Variants in RANBP2 observed in about 807,000 individuals in gnomAD.
RANBP2 encodes RAN binding protein 2.
RANBP2 carries 57 observed loss-of-function variants against 303.6 expected under a neutral mutation model. That is an observed-to-expected ratio of 0.19 (90% CI 0.15 to 0.23). The LOEUF (loss-of-function observed/expected upper bound fraction) is 0.23. RANBP2 is among the 10% of genes least tolerant of loss of function. RANBP2 has a pLI of 1.00. For synonymous variants in RANBP2, 1,167 were observed against 1,301.5 expected, an observed-to-expected ratio of 0.90 and a Z score of 2.23; for missense variants, 3,138 against 3,780.8, an observed-to-expected ratio of 0.83 and a Z score of 4.46.
chr2:109,590,453 CAG>C, the RANBP2 span, among the ~76,000 whole-genome samples: 1 of 150,906 alleles, frequency 6.6e-6, no homozygotes, highest in Non-Finnish European at 1.5e-5. Flanking sequence ...TCTTTTGAGA[CAG>C]AGTTTTTGCT....
the RANBP2 span, among the ~76,000 whole-genome samples, chr2:108,985,494 A>G: frequency 1.3e-5 from 2 of 152,200 alleles, no homozygotes; most frequent in Admixed American, 6.5e-5. Context: ...TGTTTTCCAT[A>G]GTCCTCTGTT....
chr2:108,772,089 G>A (rs570778538), intron 21 of RANBP2, among the ~76,000 whole-genome samples: 1 of 152,190 alleles, frequency 6.6e-6, no homozygotes, highest in Non-Finnish European at 1.5e-5. Context: ...AATGTGCCAG[G>A]CACGTGTTTT....
the RANBP2 span, among the ~76,000 whole-genome samples, chr2:108,848,666 T>G: frequency 1.3e-5 from 2 of 152,166 alleles, no homozygotes; most frequent in African/African-American, 4.8e-5. Context: ...GTGGAAAAAT[T>G]TGCAACAAAT....
the RANBP2 span, among the ~76,000 whole-genome samples, chr2:109,379,411 C>T: frequency 1.3e-5 from 2 of 152,248 alleles, no homozygotes; most frequent in African/African-American, 2.4e-5. Flanking sequence ...CCCGTGGTCC[C>T]ACTCTCCAGG....
the RANBP2 span, among the ~76,000 whole-genome samples, chr2:109,622,638 T>C: frequency 6.6e-6 from 1 of 152,196 alleles, no homozygotes; most frequent in African/African-American, 2.4e-5. Flanking sequence ...TGTAGTTATA[T>C]TTCTTTGTTT....
the RANBP2 span, among the ~76,000 whole-genome samples, chr2:109,422,597 AC>A: frequency 6.8e-5 from 7 of 103,540 alleles, no homozygotes; most frequent in Non-Finnish European, 2.1e-5. Context: ...CCCCCTTTCC[AC>A]CCCCTGCTGT....
the RANBP2 span, among the ~76,000 whole-genome samples, chr2:109,026,292 C>T: frequency 1.6e-4 from 1 of 6,146 alleles, no homozygotes; most frequent in African/African-American, 2.7e-4. Flanking sequence ...TACCACCATG[C>T]CTAGCTTTTT....
the RANBP2 span, chr2:108,812,455 AAT>A: frequency 6.5e-6 from 1 of 154,014 alleles, no homozygotes. Context: ...ACAAACCATT[AAT>A]ATTTTAGGGA....
the RANBP2 span, among the ~76,000 whole-genome samples, chr2:109,285,890 G>T: frequency 6.6e-6 from 1 of 152,182 alleles, no homozygotes; most frequent in East Asian, 1.9e-4. Context: ...CCCCCAGCGT[G>T]CCTCCTTCTA....
At chr2:109,065,061 G>T in the RANBP2 span, among the ~76,000 whole-genome samples, 1 of 152,164 alleles carries the variant, frequency 6.6e-6, no homozygotes, top group Non-Finnish European at 1.5e-5. Flanking sequence ...TTGAGACTTA[G>T]GTTCAGGAGT....
At chr2:109,569,437 T>TAAA in the RANBP2 span, among the ~76,000 whole-genome samples, 1 of 131,230 alleles carries the variant, frequency 7.6e-6, no homozygotes, top group East Asian at 2.1e-4. Context: ...AAACTCTTGT[T>TAAA]AAAAAAAAAA....
the RANBP2 span, among the ~76,000 whole-genome samples, chr2:109,230,113 C>T: frequency 1.8e-4 from 28 of 152,110 alleles, no homozygotes; most frequent in South Asian, 5.0e-3. Context: ...TGCGAGCCAC[C>T]GCACCTGGCC....
At chr2:109,150,431 CTG>C in the RANBP2 span, among the ~76,000 whole-genome samples, 1 of 152,306 alleles carries the variant, frequency 6.6e-6, no homozygotes, top group African/African-American at 2.4e-5. Context: ...TGGAACTACT[CTG>C]CTCATTATTT....
chr2:109,099,798 T>G, the RANBP2 span, among the ~76,000 whole-genome samples: 1 of 152,192 alleles, frequency 6.6e-6, no homozygotes, highest in South Asian at 2.1e-4. Context: ...ATTTTTGTTT[T>G]TTTAATCATA....
chr2:109,594,658 AAG>A, the RANBP2 span: 1 of 152,258 alleles, frequency 6.6e-6, no homozygotes. Context: ...ATTGCAATGA[AAG>A]AGAGAACCTG....
At chr2:109,097,245 A>G in the RANBP2 span, among the ~76,000 whole-genome samples, 1 of 152,160 alleles carries the variant, frequency 6.6e-6, no homozygotes. Flanking sequence ...TGGAGGTTGC[A>G]GTGAGGTGAG....
intron 1 of RANBP2, among the ~76,000 whole-genome samples, chr2:108,726,501 G>A (rs1694724463): frequency 1.3e-5 from 2 of 150,666 alleles, no homozygotes; most frequent in African/African-American, 4.9e-5. Flanking sequence ...GAGGCTAGAA[G>A]CGGCAGATCA....
the RANBP2 span, chr2:109,432,553 C>T: frequency 6.2e-7 from 1 of 1,613,736 alleles, no homozygotes; most frequent in Non-Finnish European, 8.5e-7. Context: ...GCTGGAGCTG[C>T]ACAAGGGAGA....
At chr2:109,405,559 C>T in the RANBP2 span, among the ~76,000 whole-genome samples, 3 of 152,220 alleles carry the variant, frequency 2.0e-5, no homozygotes, top group Non-Finnish European at 4.4e-5. Context: ...AATCCCTTCC[C>T]ACCTGCCCAT....
Sources: allele counts gnomAD v4.1 joint callset (sites outside exome capture counted in the v4.1 genomes callset), GRCh38; gene constraint gnomAD v4.1.1; transcripts MANE v1.5; gene names NCBI Gene and HGNC (gene_info 2026-07-23, HGNC 2026-07-21).